Variants in TRA2A observed in about 807,000 individuals in gnomAD.
TRA2A encodes the protein transformer-2 protein homolog alpha.
A neutral mutation model predicts 45.7 loss-of-function variants in TRA2A; 31 were observed. That is an observed-to-expected ratio of 0.68 (90% CI 0.51 to 0.92). TRA2A has a LOEUF of 0.92. Ranked by LOEUF, TRA2A falls within the 40% of genes least tolerant of loss-of-function variation. The pLI, the probability that TRA2A is intolerant of heterozygous loss-of-function variation, is 0.00. For synonymous variants in TRA2A, 132 were observed against 126.2 expected (o/e 1.05, Z -0.31); for missense variants, 304 against 367.5 (o/e 0.83, Z 1.41).
Position 23,507,859 on chromosome 7 carries a change from A to G in TRA2A, c.526-324T>C, listed in dbSNP as rs148816055. On this transcript the variant is annotated intron_variant, in intron 4 of 7. Transcript: ENST00000297071. ...TAAATAATTTTCCAGTTCTGGTTCA[A>G]TTCCCATTCCCCACTCCATGAGATC... is the stretch of plus-strand genomic sequence containing the variant. Among the ~76,000 whole-genome samples the G allele has an allele frequency of 3.2e-3, 480 of 152,290 alleles. 9 individuals are homozygous for G. In the East Asian group the frequency reaches 0.043, roughly 14 times the overall value.
At chr7:23,509,083 T>A (rs1584109306) in intron 4 of TRA2A, among the ~76,000 whole-genome samples, 1 of 152,064 alleles carries the variant, frequency 6.6e-6, no homozygotes, top group Non-Finnish European at 1.5e-5. Context: ...TGGGCTCAAG[T>A]AAATCCTCTT....
At chr7:23,514,041 A>G (rs1382851677) in intron 3 of TRA2A, among the ~76,000 whole-genome samples, 2 of 151,142 alleles carry the variant, frequency 1.3e-5, no homozygotes, top group East Asian at 3.9e-4. Context: ...CATAAAGTAC[A>G]TTGATTTTTT....
intron 4 of TRA2A, among the ~76,000 whole-genome samples, chr7:23,511,071 T>G (rs1789578957): frequency 6.6e-6 from 1 of 152,024 alleles, no homozygotes; most frequent in Non-Finnish European, 1.5e-5. Context: ...CTTACTGTTT[T>G]TAAAAGATAG....
Position 23,507,462 on chromosome 7 carries a change from G to A in TRA2A, c.599C>T (p.Ala200Val). The A allele has an allele frequency of 6.2e-7, 1 of 1,614,072 alleles. No individual in the cohort carries two copies. The highest frequency in any genetic ancestry group is 8.5e-7 in the Non-Finnish European group (1 of 1,180,014). ...IRVDYSITKRAHTPTPGIYMG... is the reference protein window; with the variant it reads ...IRVDYSITKRVHTPTPGIYMG... ...GTAGATGCCTGGTGTTGGTGTGTGC[G>A]CTCTCTTGGTTATAGAATAATCCAC... Residue 200 changes from alanine to valine, a missense_variant, in exon 5 of 8, where the codon GCG becomes GTG. Coordinates refer to ENST00000297071, the MANE Select transcript of TRA2A (RefSeq NM_013293.5).
At chr7:23,521,955 A>G in intron 1 of TRA2A, 115 bp from the exon 2 acceptor site, 1 of 1,464,560 alleles carries the variant, frequency 6.8e-7, no homozygotes, top group Non-Finnish European at 9.1e-7. Flanking sequence ...ATGGTTAGAC[A>G]ACACCCTCCA....
Position 23,516,533 on chromosome 7 carries a change from G to C in TRA2A, c.171-5C>G. The stretch of plus-strand genomic sequence containing the variant: ...GAATGTCTCCTTGACCTCGACCTTT[G>C]AGAGAAATACATTTAGGTAAAAATA... On this transcript the variant is annotated splice_region_variant and splice_polypyrimidine_tract_variant and intron_variant, in intron 2 of 7. Coordinates refer to ENST00000297071, the MANE Select transcript of TRA2A (RefSeq NM_013293.5). The C allele has an allele frequency of 2.5e-6, 4 of 1,613,622 alleles. No homozygotes were observed. The highest frequency in any genetic ancestry group is 2.7e-5 in the African/African-American group (2 of 75,040).
In TRA2A at chr7:23,505,524, G is replaced by GA. The variant is rs748073486; in HGVS notation, c.*34dup. On this transcript the variant is annotated 3_prime_UTR_variant, in exon 8 of 8. Coordinates refer to ENST00000297071, the MANE Select transcript of TRA2A (RefSeq NM_013293.5). ...TTAAAAAAAAAAAAAAAAAAAAGAG[G>GA]AAAAAAAATGTCCTTAATTGCAACC... 5.2e-5 allele frequency: 18 copies of GA among 348,218 alleles called. No homozygotes were observed. The highest frequency in any genetic ancestry group is 2.6e-4 in the South Asian group (5 of 18,888). 21.6% of individuals were successfully genotyped at this position (348,218 alleles called of 1,614,324 possible).
In TRA2A at chr7:23,507,293, G is replaced by C. The variant is rs748526313; in HGVS notation, c.641+127C>G. The C allele has an allele frequency of 4.3e-6, 3 of 702,386 alleles. No individual in the cohort carries two copies. In the Admixed American group the frequency reaches 7.9e-5, roughly 18 times the overall value. 43.5% of individuals were successfully genotyped at this position (702,386 alleles called of 1,614,324 possible). Reference sequence around the variant, plus strand: ...TTTTTATTTTTTTTTAGTAGAAGCAGGGTTTTGCCATGTTGCCCCTTGCCA... The same window carrying C: ...TTTTTATTTTTTTTTAGTAGAAGCACGGTTTTGCCATGTTGCCCCTTGCCA... On this transcript the variant is annotated intron_variant, in intron 5 of 7. Transcript: ENST00000297071.
chr7:23,515,223 CTTTTTTTTTTT>C (rs767953060), intron 3 of TRA2A, among the ~76,000 whole-genome samples: 18 of 96,800 alleles, frequency 1.9e-4, no homozygotes, highest in East Asian at 3.4e-4. Context: ...GAACATATTT[CTTTTTTTTTTT>C]TTTTTTTTTT....
intron 4 of TRA2A, among the ~76,000 whole-genome samples, chr7:23,511,584 A>C (rs1439549547): frequency 6.6e-6 from 1 of 151,896 alleles, no homozygotes; most frequent in Non-Finnish European, 1.5e-5. Flanking sequence ...AACTTTTAGT[A>C]AAGAGTAAGC....
At chr7:23,518,458 C>G (rs1032157134) in intron 2 of TRA2A, among the ~76,000 whole-genome samples, 9 of 152,136 alleles carry the variant, frequency 5.9e-5, no homozygotes, top group Non-Finnish European at 1.0e-4. Flanking sequence ...TCTCCTGCCT[C>G]AGCCTCCCAA....
intron 4 of TRA2A, 78 bp downstream of exon 4, chr7:23,512,816 G>T: frequency 1.5e-5 from 16 of 1,055,082 alleles, no homozygotes; most frequent in Non-Finnish European, 1.8e-5. Flanking sequence ...AGGATGCAAT[G>T]TTTACAGAAA....
intron 3 of TRA2A, among the ~76,000 whole-genome samples, chr7:23,514,480 A>C (rs570309767): frequency 2.0e-5 from 3 of 152,242 alleles, no homozygotes; most frequent in Non-Finnish European, 2.9e-5. Context: ...AAAAAAAAGT[A>C]TCCTCAGTTT....
At chr7:23,506,510 G>A (rs1474998308) in intron 5 of TRA2A, 1 of 429,594 alleles carries the variant, frequency 2.3e-6, no homozygotes, top group East Asian at 3.3e-5. Flanking sequence ...CTAATGCACT[G>A]CCCAAATTAA....
chr7:23,512,587 TAGCTGGGACTACA>T (rs1171578066), intron 4 of TRA2A, among the ~76,000 whole-genome samples: 1 of 151,748 alleles, frequency 6.6e-6, no homozygotes, highest in East Asian at 1.9e-4. Context: ...GACTCCCGAG[TAGCTGGGACTACA>T]AGCGCCGGCC....
intron 4 of TRA2A, among the ~76,000 whole-genome samples, chr7:23,508,275 TAAAA>T (rs67642004): frequency 8.9e-5 from 9 of 101,526 alleles, no homozygotes; most frequent in African/African-American, 3.1e-4. Context: ...TAAAGGTCAT[TAAAA>T]AAAAAAAAAA....
intron 1 of TRA2A, among the ~76,000 whole-genome samples, chr7:23,524,137 T>C (rs1790245864): frequency 6.6e-6 from 1 of 152,146 alleles, no homozygotes; most frequent in Non-Finnish European, 1.5e-5. Context: ...AGTTTTGGAG[T>C]AGCAACAAAG....
At chr7:23,515,368 T>G (rs1456737253) in intron 3 of TRA2A, among the ~76,000 whole-genome samples, 1 of 151,582 alleles carries the variant, frequency 6.6e-6, no homozygotes, top group Non-Finnish European at 1.5e-5. Flanking sequence ...TAGCTGGGAC[T>G]ACAGGCGTCT....
chr7:23,507,431 G>C lies in TRA2A; in HGVS notation c.630C>G (p.Gly210=), dbSNP rs530195887. ...ACTTGAACTCTTACTGAGTTGGTCT[G>C]CCCATGTAGATGCCTGGTGTTGGTG... The part of the protein sequence containing the change: ...AHTPTPGIYM[G]RPTHSGGGGG... The change falls in exon 5 of 8, where the codon GGC becomes GGG. Residue 210 remains glycine, a synonymous_variant. Coordinates refer to ENST00000297071, the MANE Select transcript of TRA2A (RefSeq NM_013293.5). 6.2e-7 allele frequency: 1 copy of C among 1,613,520 alleles called. No individual in the cohort carries two copies. The highest frequency in any genetic ancestry group is 2.2e-5 in the East Asian group (1 of 44,880).
Sources: allele counts gnomAD v4.1 joint callset (sites outside exome capture counted in the v4.1 genomes callset), GRCh38; gene constraint gnomAD v4.1.1; transcripts MANE v1.5; gene names NCBI Gene and HGNC (gene_info 2026-07-23, HGNC 2026-07-21).